The following PLEKHA3 variants were observed in gnomAD, a reference collection of about 807,000 sequenced individuals.
PLEKHA3 encodes the protein pleckstrin homology domain-containing family A member 3.
PLEKHA3 carries 19 observed loss-of-function variants against 39.2 expected under a neutral mutation model. The observed-to-expected ratio is 0.48, with a 90% CI of 0.34 to 0.71. The LOEUF is 0.71. Among genes scored for constraint, PLEKHA3 ranks in the 30% least tolerant of loss-of-function variants. The pLI, the probability that PLEKHA3 is intolerant of heterozygous loss-of-function variation, is 0.01. For synonymous variants in PLEKHA3, 97 were observed against 118.6 expected (o/e 0.82, Z 1.18); for missense variants, 253 against 359.5 (o/e 0.70, Z 2.40).
Position 178,511,199 on chromosome 2 carries a change from A to G in PLEKHA3, c.*7312A>G, listed in dbSNP as rs1459593583. ...TTTGTATTATCTTTCATTAAAGTAG[A>G]GTCCCATGGGCGTGGCAAATGGCTG... On this transcript the variant is annotated 3_prime_UTR_variant, in exon 8 of 8. Coordinates refer to ENST00000234453, the MANE Select transcript of PLEKHA3 (RefSeq NM_019091.4). 2 of 152,160 alleles carry G rather than the reference A, an allele frequency of 1.3e-5. No individual in the cohort carries two copies. Among genetic ancestry groups the G allele is most frequent in the Non-Finnish European group, 2.9e-5 (2 of 68,044 alleles). The allele number at this position is 152,160 out of a possible 1,614,324, so 9.4% of individuals were successfully genotyped here. A position where few individuals can be genotyped will look rare whatever the true frequency, so the allele number is the denominator to read the frequency against.
chr2:178,480,788 G>A lies in PLEKHA3; in HGVS notation c.-82G>A. 8.1e-7 allele frequency: 1 copy of A among 1,229,286 alleles called. No homozygotes were observed. The highest frequency in any genetic ancestry group is 1.0e-6 in the Non-Finnish European group (1 of 955,962). 76.1% of individuals were successfully genotyped at this position (1,229,286 alleles called of 1,614,324 possible). A position where few individuals can be genotyped will look rare whatever the true frequency, so the allele number is the denominator to read the frequency against. On this transcript the variant is annotated 5_prime_UTR_variant, in exon 1 of 8. Coordinates refer to ENST00000234453, the MANE Select transcript of PLEKHA3 (RefSeq NM_019091.4). ...CGGAGGGGGCCCGGGCGGGCCGGGAGGGGCTGCCCCAGGCCCTGCGCCTAC... is the reference window on the plus strand; with the variant it reads ...CGGAGGGGGCCCGGGCGGGCCGGGAAGGGCTGCCCCAGGCCCTGCGCCTAC...
chr2:178,484,909 A>G (rs1008224632), intron 1 of PLEKHA3, among the ~76,000 whole-genome samples: 4 of 152,226 alleles, frequency 2.6e-5, no homozygotes, highest in African/African-American at 4.8e-5. Flanking sequence ...ATAAATATCA[A>G]TCGAACAATT....
At chr2:178,501,530 A>G (rs1685529837) in intron 7 of PLEKHA3, among the ~76,000 whole-genome samples, 1 of 152,030 alleles carries the variant, frequency 6.6e-6, no homozygotes. Context: ...TTCCAAGTTC[A>G]TATAAAAGTC....
Position 178,480,576 on chromosome 2 carries a change from G to T in PLEKHA3, c.-294G>T. The T allele has an allele frequency of 4.0e-6, 1 of 252,426 alleles. No homozygotes were observed. The allele number at this position is 252,426 out of a possible 1,614,324, so 15.6% of individuals were successfully genotyped here. On this transcript the variant is annotated 5_prime_UTR_variant, in exon 1 of 8. Coordinates refer to ENST00000234453, the MANE Select transcript of PLEKHA3 (RefSeq NM_019091.4). Reference sequence around the variant, plus strand: ...CGGAGGGAGCAGCCGGGCTGCGGAAGCGCGAGCAGGAGGCCGGTCGCGGGC... The same window carrying T: ...CGGAGGGAGCAGCCGGGCTGCGGAATCGCGAGCAGGAGGCCGGTCGCGGGC...
chr2:178,508,110 T>A lies in PLEKHA3; in HGVS notation c.*4223T>A, dbSNP rs1685632927. On this transcript the variant is annotated 3_prime_UTR_variant, in exon 8 of 8. Transcript: ENST00000234453. The stretch of plus-strand genomic sequence containing the variant: ...GTGTGATCTTTTTGACAGTTTTCTC[T>A]CTTCCATTTTCTTTGTTCTATCTTT... The A allele has an allele frequency of 6.5e-6, 1 of 153,078 alleles. No individual in the cohort carries two copies. Among genetic ancestry groups the A allele is most frequent in the Admixed American group, 6.6e-5 (1 of 15,156 alleles). 9.5% of individuals were successfully genotyped at this position (153,078 alleles called of 1,614,324 possible).
chr2:178,515,128 A>AT lies in PLEKHA3; in HGVS notation c.*11254dup, dbSNP rs200259546. 7,571 of 94,800 alleles carry AT rather than the reference A, an allele frequency of 0.08. 347 individuals carry two copies. The highest frequency in any genetic ancestry group is 0.21 in the South Asian group (743 of 3,460). The allele number at this position is 94,800 out of a possible 1,614,324, so 5.9% of individuals were successfully genotyped here. ...TTTTGGGGATTTGACTCCTGCAGGT[A>AT]TTTTTTTTTTTTTCTTTTGGGGGAG... On this transcript the variant is annotated 3_prime_UTR_variant, in exon 8 of 8. Transcript: ENST00000234453.
rs1491542520 is a variant in PLEKHA3 at position 178,513,569 on chromosome 2, A to AGT, written c.*9690_*9691dup. The AGT allele has an allele frequency of 1.3e-5, 2 of 152,108 alleles. No individual in the cohort carries two copies. The highest frequency in any genetic ancestry group is 2.4e-5 in the African/African-American group (1 of 41,402). 9.4% of individuals were successfully genotyped at this position (152,108 alleles called of 1,614,324 possible). A position where few individuals can be genotyped will look rare whatever the true frequency, so the allele number is the denominator to read the frequency against. ...TTAATTGTGTATGCGTGAGTGTGAC[A>AGT]GTGTGTGTGCCTGTGTCTCTATCTG... is the stretch of plus-strand genomic sequence containing the variant. On this transcript the variant is annotated 3_prime_UTR_variant, in exon 8 of 8. Transcript: ENST00000234453.
At chr2:178,502,503 T>C (rs1685540742) in intron 7 of PLEKHA3, 1 of 235,272 alleles carries the variant, frequency 4.3e-6, no homozygotes. Context: ...ACTCTGATTC[T>C]CTTTATTCTT....
chr2:178,483,606 T>C (rs1261446442), intron 1 of PLEKHA3, among the ~76,000 whole-genome samples: 3 of 152,224 alleles, frequency 2.0e-5, no homozygotes, highest in African/African-American at 7.2e-5. Flanking sequence ...TGCAAAATCA[T>C]AATTTGTCCT....
rs1057009694 is a variant in PLEKHA3, at chr2:178,507,959, A to T, written c.*4072A>T. 1 of 153,100 alleles carries T rather than the reference A, an allele frequency of 6.5e-6. No homozygotes were observed. The highest frequency in any genetic ancestry group is 1.5e-5 in the Non-Finnish European group (1 of 67,928). 9.5% of individuals were successfully genotyped at this position (153,100 alleles called of 1,614,324 possible). On this transcript the variant is annotated 3_prime_UTR_variant, in exon 8 of 8. Coordinates refer to ENST00000234453, the MANE Select transcript of PLEKHA3 (RefSeq NM_019091.4). The stretch of plus-strand genomic sequence containing the variant: ...AACTTCTCATTACTTCTGATGTTTC[A>T]TAATAATATGTGGGTCTTTATTCAT...
intron 5 of PLEKHA3, among the ~76,000 whole-genome samples, chr2:178,496,767 T>G (rs530625440): frequency 6.6e-6 from 1 of 152,166 alleles, no homozygotes; most frequent in Admixed American, 6.5e-5. Context: ...CAGGCTGGAG[T>G]GCAGTGACAC....
Position 178,514,250 on chromosome 2 carries a change from CTT to C in PLEKHA3, c.*10365_*10366del, listed in dbSNP as rs961384888. 2.0e-5 allele frequency: 3 copies of C among 147,886 alleles called. No homozygotes were observed. The highest frequency in any genetic ancestry group is 4.3e-4 in the South Asian group (2 of 4,694). The allele number at this position is 147,886 out of a possible 1,614,324, so 9.2% of individuals were successfully genotyped here. On this transcript the variant is annotated 3_prime_UTR_variant, in exon 8 of 8. Transcript: ENST00000234453. Reference sequence around the variant, plus strand: ...TCTGATGTTGTGGCTAATTTTAAGACTTTGATTTTTCAGCTAGGATTAGCGGA... The same window carrying C: ...TCTGATGTTGTGGCTAATTTTAAGACTGATTTTTCAGCTAGGATTAGCGGA...
At chr2:178,494,302 G>A (rs952284638) in intron 4 of PLEKHA3, among the ~76,000 whole-genome samples, 1 of 152,112 alleles carries the variant, frequency 6.6e-6, no homozygotes, top group Non-Finnish European at 1.5e-5. Flanking sequence ...TAAATTCACT[G>A]GACAGCTGCT....
rs1558933205 is a variant in PLEKHA3 at position 178,509,274 on chromosome 2, T to C, written c.*5387T>C. 6.6e-6 allele frequency: 1 copy of C among 152,188 alleles called. No individual in the cohort carries two copies. The highest frequency in any genetic ancestry group is 1.5e-5 in the Non-Finnish European group (1 of 68,034). 9.4% of individuals were successfully genotyped at this position (152,188 alleles called of 1,614,324 possible). On this transcript the variant is annotated 3_prime_UTR_variant, in exon 8 of 8. Transcript: ENST00000234453. ...TTAAATTCTAATAGTGTATAAAAAA[T>C]AAAAATTCTTTAGTATTAATTTGTA...
chr2:178,493,610 C>T lies in PLEKHA3; in HGVS notation c.314-243C>T, dbSNP rs6748202. On this transcript the variant is annotated intron_variant, in intron 3 of 7. Transcript: ENST00000234453. ...AATGGAAATATCCTGTATAAAACATCCAGTGGTCATCATCCTATCTCTGGA... is the reference window on the plus strand; with the variant it reads ...AATGGAAATATCCTGTATAAAACATTCAGTGGTCATCATCCTATCTCTGGA... Among the ~76,000 whole-genome samples, 1,006 of 152,252 alleles carry T rather than the reference C, an allele frequency of 6.6e-3. 13 individuals carry two copies. Among genetic ancestry groups the T allele is most frequent in the African/African-American group, 0.023 (956 of 41,546 alleles).
chr2:178,497,453 A>G (rs1003642760), intron 5 of PLEKHA3, among the ~76,000 whole-genome samples: 14 of 152,074 alleles, frequency 9.2e-5, no homozygotes, highest in African/African-American at 3.4e-4. Flanking sequence ...GATGGTCTCG[A>G]TCTCCTGACC....
intron 5 of PLEKHA3, among the ~76,000 whole-genome samples, chr2:178,498,036 ATTTAATCTGATCTTTGTAAGTGC>A (rs989503023): frequency 3.9e-5 from 6 of 152,292 alleles, no homozygotes; most frequent in Non-Finnish European, 5.9e-5. Context: ...TTCCAAAACA[ATTTAATCTGATCTTTGTAAGTGC>A]TTTAATCTGA....
Position 178,512,378 on chromosome 2 carries a change from T to G in PLEKHA3, c.*8491T>G, listed in dbSNP as rs1320079066. 6.6e-6 allele frequency: 1 copy of G among 152,240 alleles called. No individual in the cohort carries two copies. Among genetic ancestry groups the G allele is most frequent in the African/African-American group, 2.4e-5 (1 of 41,472 alleles). The allele number at this position is 152,240 out of a possible 1,614,324, so 9.4% of individuals were successfully genotyped here. ...AGGGTTGTTTCCATGGGTAATATAT[T>G]CAGAATATTAAAGATGAGTAAAATG... On this transcript the variant is annotated 3_prime_UTR_variant, in exon 8 of 8. Coordinates refer to ENST00000234453, the MANE Select transcript of PLEKHA3 (RefSeq NM_019091.4).
In PLEKHA3 at chr2:178,505,637, G is replaced by GT. The variant is rs1208992530; in HGVS notation, c.*1756dup. On this transcript the variant is annotated 3_prime_UTR_variant, in exon 8 of 8. Transcript: ENST00000234453. ...AAGGTCAGGGTGCTATTGATTGGGA[G>GT]TTTTTTCTGGTAGTGAGTTTTTTTG... The GT allele has an allele frequency of 1.3e-5, 2 of 151,218 alleles. No homozygotes were observed. Among genetic ancestry groups the GT allele is most frequent in the Non-Finnish European group, 3.0e-5 (2 of 67,738 alleles). The allele number at this position is 151,218 out of a possible 1,614,324, so 9.4% of individuals were successfully genotyped here.
Sources: gnomAD v4.1 joint callset for allele counts (sites outside exome capture counted in the v4.1 genomes callset) on GRCh38, gnomAD v4.1.1 for gene constraint, MANE v1.5 for transcripts, NCBI Gene and HGNC (gene_info 2026-07-23, HGNC 2026-07-21) for gene names.